Variants in THBS2 observed in about 807,000 individuals in gnomAD.
THBS2 encodes thrombospondin 2.
In THBS2, 47 loss-of-function variants were observed where a neutral mutation model predicts 135.2. The ratio of observed to expected loss-of-function variants is 0.35; its 90% CI spans 0.28 to 0.44. The LOEUF (loss-of-function observed/expected upper bound fraction) is 0.44, where lower values mean the gene tolerates loss of function less well. THBS2 is among the 20% of genes least tolerant of loss of function. The probability of loss-of-function intolerance (pLI) is 1.00; values close to 1 mark genes in which losing one functional copy is unlikely to be tolerated. For missense variants in THBS2, 1,288 were observed against 1,603.1 expected (o/e 0.80, Z 3.36); for synonymous variants, 639 against 633.8 (o/e 1.01, Z -0.12).
intron 21 of THBS2, among the ~76,000 whole-genome samples, chr6:169,219,230 TGG>T (rs1157878724): frequency 5.7e-5 from 8 of 139,470 alleles, no homozygotes; most frequent in Non-Finnish European, 9.3e-5. Context: ...AGTGGGTGGG[TGG>T]GTGGATGGAT....
intron 21 of THBS2, among the ~76,000 whole-genome samples, chr6:169,218,609 G>A (rs1779280547): frequency 6.7e-6 from 1 of 149,670 alleles, no homozygotes; most frequent in African/African-American, 2.5e-5. Flanking sequence ...GTGGGTGGGT[G>A]GATGGATGAA....
chr6:169,245,130 C>T (rs918432020), intron 4 of THBS2, among the ~76,000 whole-genome samples: 11 of 152,214 alleles, frequency 7.2e-5, no homozygotes, highest in Admixed American at 5.2e-4. Context: ...ACGGCCACAC[C>T]GTGTGGCAGA....
chr6:169,234,895 C>T lies in THBS2; in HGVS notation c.1490G>A (p.Trp497Ter). The change falls in exon 10 of 22, where the codon TGG (tryptophan) becomes TAG (stop). Residue 497 changes from tryptophan (W) to a stop codon, truncating the protein, a stop_gained. Transcript: ENST00000617924. LOFTEE classifies it high-confidence loss of function. ...QGAPCPIDGR[W>*]SPWSPWSACT... ...GGCCGACCACGGGGACCAGGGGCTC[C>T]AGCGGCCATCGACTGCGGGGAAAGC... is the stretch of plus-strand genomic sequence containing the variant. The T allele has an allele frequency of 6.2e-7, 1 of 1,606,336 alleles. No individual in the cohort carries two copies. Among genetic ancestry groups the T allele is most frequent in the Non-Finnish European group, 8.5e-7 (1 of 1,176,174 alleles).
intron 10 of THBS2, among the ~76,000 whole-genome samples, chr6:169,233,822 ACAC>A (rs980067622): frequency 2.0e-5 from 3 of 148,968 alleles, no homozygotes; most frequent in Non-Finnish European, 4.5e-5. Flanking sequence ...AACTGCCCAC[ACAC>A]CACCTTCCAC....
At chr6:169,245,711 G>C (rs958521384) in intron 4 of THBS2, among the ~76,000 whole-genome samples, 4 of 148,560 alleles carry the variant, frequency 2.7e-5, no homozygotes, top group Non-Finnish European at 5.9e-5. Flanking sequence ...AGAGTGGCGT[G>C]AACCCAGGAG....
intron 6 of THBS2, 148 bp from the exon 7 acceptor site, chr6:169,239,843 C>A: frequency 3.0e-6 from 2 of 658,288 alleles, no homozygotes; most frequent in South Asian, 2.0e-5. Flanking sequence ...ATAAGGGCAT[C>A]TTTTTCTCCC....
Position 169,230,506 on chromosome 6 carries a change from C to T in THBS2, c.2152-827G>A, listed in dbSNP as rs150645794. On this transcript the variant is annotated intron_variant, in intron 13 of 21. Transcript: ENST00000617924. ...TGTCATGGAGGACACGGATCCCAGA[C>T]GGGGGCCCCTGGCAATGGGGAGGAT... 2.1e-3 allele frequency among the ~76,000 whole-genome samples: 318 copies of T among 152,276 alleles called. 1 individual carries two copies. The highest frequency in any genetic ancestry group is 6.7e-3 in the African/African-American group (278 of 41,564).
chr6:169,225,885 T>C (rs1779608983), intron 16 of THBS2, among the ~76,000 whole-genome samples: 1 of 152,262 alleles, frequency 6.6e-6, no homozygotes, highest in African/African-American at 2.4e-5. Flanking sequence ...CGTCTATTCA[T>C]TTGGCCTGTG....
Position 169,217,535 on chromosome 6 carries a change from A to G in THBS2, c.*287T>C, listed in dbSNP as rs1779218464. ...ACGTCATTCTTTTTAAACAAACAAG[A>G]AAAAGCAATGTAATGGCATGCCCAA... On this transcript the variant is annotated 3_prime_UTR_variant, in exon 22 of 22. Transcript: ENST00000617924. 4.7e-6 allele frequency: 2 copies of G among 423,854 alleles called. No homozygotes were observed. Among genetic ancestry groups the G allele is most frequent in the Non-Finnish European group, 8.4e-6 (2 of 237,430 alleles). The allele number at this position is 423,854 out of a possible 1,614,324, so 26.3% of individuals were successfully genotyped here.
intron 19 of THBS2, 41 bp downstream of exon 19, chr6:169,222,156 T>A: frequency 1.3e-6 from 2 of 1,551,818 alleles, no homozygotes; most frequent in African/African-American, 2.7e-5. Context: ...GCAGCCACAG[T>A]GGTGCAGAGG....
At chr6:169,218,420 ATGAGATGGATGAGTGGGTGGGTGGGTGGC>A (rs1164724121) in intron 21 of THBS2, among the ~76,000 whole-genome samples, 7 of 125,030 alleles carry the variant, frequency 5.6e-5, no homozygotes, top group South Asian at 5.9e-4. Flanking sequence ...GGGTGGATGG[ATGAGATGGATGAGTGGGTGGGTGGGTGGC>A]TGAGATGGAT....
chr6:169,235,578 T>A (rs1261653711), intron 9 of THBS2, among the ~76,000 whole-genome samples: 1 of 152,018 alleles, frequency 6.6e-6, no homozygotes, highest in Non-Finnish European at 1.5e-5. Flanking sequence ...CACCCTAGTC[T>A]GCACAGACGC....
chr6:169,245,558 C>T (rs943512764), intron 4 of THBS2, among the ~76,000 whole-genome samples: 7 of 152,090 alleles, frequency 4.6e-5, no homozygotes, highest in Middle Eastern at 3.4e-3. Flanking sequence ...TTTGGGAGGC[C>T]AAGGTGGGCA....
rs1780726086 is a variant in THBS2 at position 169,250,824 on chromosome 6, C to T, written c.-22-18G>A. 2.5e-6 allele frequency: 4 copies of T among 1,598,788 alleles called. No individual in the cohort carries two copies. Among genetic ancestry groups the T allele is most frequent in the Non-Finnish European group, 3.4e-6 (4 of 1,170,512 alleles). Reference sequence around the variant, plus strand: ...CTGAGCTCCTGGGAATACAGGAAACCCTTGTTAGTGATGAGTCCACAGCTG... The same window carrying T: ...CTGAGCTCCTGGGAATACAGGAAACTCTTGTTAGTGATGAGTCCACAGCTG... On this transcript the variant is annotated intron_variant, in intron 1 of 21. Coordinates refer to ENST00000617924, the MANE Select transcript of THBS2 (RefSeq NM_003247.5).
chr6:169,245,184 C>T (rs888105129), intron 4 of THBS2, among the ~76,000 whole-genome samples: 1 of 152,236 alleles, frequency 6.6e-6, no homozygotes, highest in Admixed American at 6.5e-5. Flanking sequence ...CAGGCAGCAG[C>T]CCTGCTCCCT....
In THBS2 at chr6:169,231,900, C is replaced by T. The variant is rs1171346505; in HGVS notation, c.2151+80G>A. On this transcript the variant is annotated intron_variant, in intron 13 of 21. Coordinates refer to ENST00000617924, the MANE Select transcript of THBS2 (RefSeq NM_003247.5). The stretch of plus-strand genomic sequence containing the variant: ...CAAATTCCCTGTGCTGCCCCCGCCC[C>T]CCGTCCGCGTAGCGTCCCCGGCGCC... 23 of 1,518,704 alleles carry T rather than the reference C, an allele frequency of 1.5e-5. No homozygotes were observed. In the Admixed American group the frequency reaches 2.0e-4, roughly 13 times the overall value. The allele number at this position is 1,518,704 out of a possible 1,614,324, so 94.1% of individuals were successfully genotyped here. A position where few individuals can be genotyped will look rare whatever the true frequency, so the allele number is the denominator to read the frequency against.
intron 21 of THBS2, among the ~76,000 whole-genome samples, chr6:169,218,118 G>A (rs1419903668): frequency 7.1e-6 from 1 of 139,886 alleles, no homozygotes; most frequent in Non-Finnish European, 1.6e-5. Flanking sequence ...GTGGATGGAT[G>A]GGGTGGGTGG....
chr6:169,241,810 C>T lies in THBS2; in HGVS notation c.843G>A (p.Ser281=), dbSNP rs777405091. The change falls in exon 5 of 22, where the codon TCG becomes TCA. Residue 281 remains serine (S), a synonymous_variant. Coordinates refer to ENST00000617924, the MANE Select transcript of THBS2 (RefSeq NM_003247.5). This position sits in a 1 kb window ranked among gnomAD's most constrained non-coding sequence, Gnocchi z 5.5. Reference sequence around the variant, plus strand: ...GCTGGTTCACGAGGACGTGGAGCCCCGAGAGCTCCTGGACCATGTTTCCCA... The same window carrying T: ...GCTGGTTCACGAGGACGTGGAGCCCTGAGAGCTCCTGGACCATGTTTCCCA... The part of the protein sequence containing the change: ...EELGNMVQEL[S]GLHVLVNQLS... 17 of 1,612,390 alleles carry T rather than the reference C, an allele frequency of 1.1e-5. No individual in the cohort carries two copies. The highest frequency in any genetic ancestry group is 2.7e-5 in the African/African-American group (2 of 74,922).
chr6:169,223,336 C>T lies in THBS2; in HGVS notation c.2913G>A (p.Gly971=), dbSNP rs181970508. The change falls in exon 18 of 22, where the codon GGG becomes GGA. Residue 971 remains glycine (G), a synonymous_variant. Coordinates refer to ENST00000617924, the MANE Select transcript of THBS2 (RefSeq NM_003247.5). ...NFQMVPLDPK[G]TTQIDPNWVI... is the part of the protein sequence containing the mutation. ...CCCAGTTGGGATCAATTTGGGTGGT[C>T]CCTTTGGGATCCAAGGGGACCATCT... The T allele has an allele frequency of 4.2e-5, 67 of 1,614,148 alleles. No homozygotes were observed. The Admixed American group carries it at 8.0e-4, about 19-fold the overall frequency.
Sources: gnomAD v4.1 joint callset for allele counts (sites outside exome capture counted in the v4.1 genomes callset) on GRCh38, gnomAD v4.1.1 for gene constraint, Gnocchi (gnomAD v3.1) non-coding constraint, MANE v1.5 for transcripts, NCBI Gene and HGNC (gene_info 2026-07-23, HGNC 2026-07-21) for gene names.